FBXL13: variants seen among roughly 807,000 people sequenced by gnomAD.
FBXL13 encodes the protein F-box and leucine rich repeat protein 13.
FBXL13 carries 67 observed loss-of-function variants against 83.6 expected under a neutral mutation model. That is an observed-to-expected ratio of 0.80 (90% CI 0.66 to 0.98). FBXL13 has a LOEUF of 0.98. Among genes scored for constraint, FBXL13 ranks in the 50% least tolerant of loss-of-function variants. The pLI is 0.00. For synonymous variants in FBXL13, 272 were observed against 299.5 expected (o/e 0.91, Z 0.95); for missense variants, 822 against 866.5 (o/e 0.95, Z 0.64).
intron 1 of FBXL13, among the ~76,000 whole-genome samples, chr7:103,067,067 A>G (rs1281528290): frequency 6.8e-6 from 1 of 148,046 alleles, no homozygotes; most frequent in Admixed American, 6.7e-5. Context: ...TTTTTTGTCT[A>G]CTCTTTCACT....
intron 18 of FBXL13, among the ~76,000 whole-genome samples, chr7:102,827,567 GC>G (rs1799950531): frequency 6.6e-6 from 1 of 151,584 alleles, no homozygotes. Context: ...GGGTACATGT[GC>G]ACAATGTGCA....
intron 8 of FBXL13, chr7:102,933,809 G>C: frequency 1.6e-6 from 2 of 1,257,830 alleles, no homozygotes; most frequent in Middle Eastern, 2.7e-4. Flanking sequence ...GGGTCTCATT[G>C]TTCCAGAACT....
chr7:102,934,546 G>C (rs751312990), intron 8 of FBXL13: 26 of 1,528,876 alleles, frequency 1.7e-5, no homozygotes, highest in Non-Finnish European at 1.1e-5. Context: ...CTGAACAGTT[G>C]TGTAATGAAG....
chr7:102,921,624 G>T (rs1278139646), intron 10 of FBXL13, among the ~76,000 whole-genome samples: 2 of 152,080 alleles, frequency 1.3e-5, no homozygotes, highest in Non-Finnish European at 2.9e-5. Context: ...AGGCTATGGT[G>T]AGCCGAGATC....
At position 102,880,128 on chromosome 7, in the gene FBXL13, A is replaced by T. The variant is rs114360257; in HGVS notation, c.1389-1678T>A. 3.8e-3 allele frequency among the ~76,000 whole-genome samples: 580 copies of T among 152,280 alleles called. 5 individuals are homozygous for T. The highest frequency in any genetic ancestry group is 0.014 in the African/African-American group (573 of 41,562). The stretch of plus-strand genomic sequence containing the variant: ...GTTGCTGATTCCCATTGCTTTGTAG[A>T]GAGAGAATACCATTTGTTGATAAAA... On this transcript the variant is annotated intron_variant, in intron 14 of 19. Transcript: ENST00000313221.
rs551333454 is a variant in FBXL13 at position 102,986,201 on chromosome 7, T to C, written c.496-18084A>G. 6.6e-5 allele frequency among the ~76,000 whole-genome samples: 10 copies of C among 152,244 alleles called. No homozygotes were observed. The East Asian group carries it at 1.7e-3, about 26-fold the overall frequency. ...TACATGGCAGAGCCAAAAGCAGAAG[T>C]TGACAACCATCAGAAGCCAAACCAG... On this transcript the variant is annotated intron_variant, in intron 6 of 19. Coordinates refer to ENST00000313221, the Ensembl canonical transcript of FBXL13.
intron 6 of FBXL13, among the ~76,000 whole-genome samples, chr7:103,022,264 G>C (rs1256293490): frequency 6.6e-6 from 1 of 151,688 alleles, no homozygotes. Context: ...CTTACTCATA[G>C]GTGGGAATGG....
chr7:102,812,140 G>C (rs149151034), downstream of FBXL13, among the ~76,000 whole-genome samples: 333 of 152,244 alleles, frequency 2.2e-3, 1 homozygote, highest in African/African-American at 7.6e-3. Context: ...GCTTGTTTGC[G>C]GCAGTCAGAA....
At chr7:102,826,058 A>T (rs1212200209) in intron 18 of FBXL13, among the ~76,000 whole-genome samples, 1 of 151,952 alleles carries the variant, frequency 6.6e-6, no homozygotes, top group Non-Finnish European at 1.5e-5. Context: ...ATTTTTTTTT[A>T]GTAGGACCTC....
At chr7:102,928,443 AC>A (rs1409329897) in intron 9 of FBXL13, among the ~76,000 whole-genome samples, 1 of 152,128 alleles carries the variant, frequency 6.6e-6, no homozygotes, top group East Asian at 1.9e-4. Context: ...GTGTTACCCA[AC>A]TCCTTAAATG....
rs957826677 is a variant in FBXL13 at position 102,943,675 on chromosome 7, T to C, written c.725-11742A>G. Among the ~76,000 whole-genome samples the C allele has an allele frequency of 5.9e-5, 9 of 152,312 alleles. 1 individual carries two copies. The Middle Eastern group carries it at 0.02, about 345-fold the overall frequency. ...ACCCATTACAGGAATCTCATCCCTGTGTAGCCAAGCAGATACCACCCATTA... is the reference window on the plus strand; with the variant it reads ...ACCCATTACAGGAATCTCATCCCTGCGTAGCCAAGCAGATACCACCCATTA... On this transcript the variant is annotated intron_variant, in intron 8 of 19. Transcript: ENST00000313221.
chr7:103,053,882 C>T (rs1053258323), intron 2 of FBXL13, among the ~76,000 whole-genome samples: 1 of 152,208 alleles, frequency 6.6e-6, no homozygotes, highest in African/African-American at 2.4e-5. Flanking sequence ...ACTGGCACCT[C>T]AGAATCATCT....
At chr7:102,975,774 C>T in intron 6 of FBXL13, 1 of 593,990 alleles carries the variant, frequency 1.7e-6, no homozygotes, top group Non-Finnish European at 3.0e-6. Flanking sequence ...TTGACAACAG[C>T]CCTCAAACCC....
At chr7:102,966,184 T>C (rs1179233984) in intron 7 of FBXL13, among the ~76,000 whole-genome samples, 3 of 152,208 alleles carry the variant, frequency 2.0e-5, no homozygotes, top group African/African-American at 7.2e-5. Context: ...GTTCCTGTCT[T>C]AATTTTATTT....
intron 12 of FBXL13, among the ~76,000 whole-genome samples, chr7:102,883,909 G>A (rs912516933): frequency 6.6e-6 from 1 of 152,064 alleles, no homozygotes; most frequent in Non-Finnish European, 1.5e-5. Flanking sequence ...GAAAATATGA[G>A]AAATGGACTA....
chr7:102,974,294 G>C (rs1291739111), intron 6 of FBXL13, among the ~76,000 whole-genome samples: 1 of 152,152 alleles, frequency 6.6e-6, no homozygotes, highest in Non-Finnish European at 1.5e-5. Flanking sequence ...GGAGGCTGAA[G>C]CAGGAGAATG....
In FBXL13 at chr7:102,854,874, A is replaced by C. The variant is rs1805806229; in HGVS notation, c.1636-14T>G. The stretch of plus-strand genomic sequence containing the variant: ...CACATTCAAACCCTAAAAATATTTA[A>C]TATAAAGATCATTTTGTGATTATCA... On this transcript the variant is annotated splice_polypyrimidine_tract_variant and intron_variant, in intron 16 of 19. Transcript: ENST00000313221. 7.0e-7 allele frequency: 1 copy of C among 1,418,546 alleles called. No individual in the cohort carries two copies. Among genetic ancestry groups the C allele is most frequent in the Non-Finnish European group, 9.8e-7 (1 of 1,019,290 alleles). 87.9% of individuals were successfully genotyped at this position (1,418,546 alleles called of 1,614,324 possible).
chr7:103,019,259 T>C (rs1416405487), intron 6 of FBXL13, among the ~76,000 whole-genome samples: 1 of 152,168 alleles, frequency 6.6e-6, no homozygotes, highest in African/African-American at 2.4e-5. Flanking sequence ...GAAACAAAGA[T>C]GTTCTTTGAA....
chr7:103,026,349 G>C (rs1214556415), intron 5 of FBXL13, among the ~76,000 whole-genome samples: 1 of 151,774 alleles, frequency 6.6e-6, no homozygotes, highest in Admixed American at 6.6e-5. Context: ...TGTATAAGGG[G>C]GGACTGGTCA....
Sources: allele counts gnomAD v4.1 joint callset (sites outside exome capture counted in the v4.1 genomes callset), GRCh38; gene constraint gnomAD v4.1.1; transcripts MANE v1.5; gene names NCBI Gene and HGNC (gene_info 2026-07-23, HGNC 2026-07-21).